The following PZP variants were observed in gnomAD, a reference collection of about 807,000 sequenced individuals.
The protein encoded by PZP is PZP alpha-2-macroglobulin like.
In PZP, 150 loss-of-function variants were observed where a neutral mutation model predicts 179.8. The observed-to-expected ratio is 0.83, with a 90% CI of 0.73 to 0.96. The LOEUF (loss-of-function observed/expected upper bound fraction) is 0.96. Among genes scored for constraint, PZP ranks in the 40% least tolerant of loss-of-function variants. PZP has a pLI of 0.00. For synonymous variants in PZP, 624 were observed against 652.3 expected, an observed-to-expected ratio of 0.96 and a Z score of 0.66; for missense variants, 1,689 against 1,764.0, an observed-to-expected ratio of 0.96 and a Z score of 0.76.
Position 9,182,109 on chromosome 12 carries a change from T to C in PZP, c.1555A>G (p.Ser519Gly), listed in dbSNP as rs1942801130. The change falls in exon 14 of 36, where the codon AGT becomes GGT. Residue 519 changes from serine (S) to glycine (G), a missense_variant. Ser to Gly is a moderately conservative substitution (Grantham distance 56). Coordinates refer to ENST00000261336, the MANE Select transcript of PZP (RefSeq NM_002864.3). Reference protein sequence around the residue: ...LPVESGDMKGSFALSFPVESD... With the variant: ...LPVESGDMKGGFALSFPVESD... ...TCCACAGGGAAGGATAAGGCAAAAC[T>C]GCCTTTCACTGGAACATGGAGAGAG... 1.6e-6 allele frequency: 2 copies of C among 1,278,652 alleles called. No homozygotes were observed. Among genetic ancestry groups the C allele is most frequent in the South Asian group, 3.2e-5 (2 of 63,436 alleles). 79.2% of individuals were successfully genotyped at this position (1,278,652 alleles called of 1,614,324 possible). A position where few individuals can be genotyped will look rare whatever the true frequency, so the allele number is the denominator to read the frequency against.
intron 7 of PZP, 132 bp from the exon 8 acceptor site, chr12:9,197,255 C>T (rs1434643074): frequency 1.7e-6 from 1 of 595,584 alleles, no homozygotes; most frequent in Non-Finnish European, 2.9e-6. Context: ...AAGTAGAAAG[C>T]TGTCTGGAAA....
At position 9,192,496 on chromosome 12, in the gene PZP, A is replaced by G. The variant is rs957158915; in HGVS notation, c.1482+16T>C. ...TACTGATAAGCTGCAATTGTATTCC[A>G]TGGCCTCATTCTTACCAGGTAATGG... On this transcript the variant is annotated intron_variant, in intron 12 of 35. Transcript: ENST00000261336. The G allele has an allele frequency of 5.6e-6, 9 of 1,600,728 alleles. No individual in the cohort carries two copies. The highest frequency in any genetic ancestry group is 2.2e-5 in the East Asian group (1 of 44,660).
chr12:9,154,950 G>T, intron 28 of PZP, 111 bp from the exon 29 acceptor site: 1 of 1,109,570 alleles, frequency 9.0e-7, no homozygotes. Flanking sequence ...TACAGGAGAA[G>T]CAAGGTCTTC....
At chr12:9,140,272 G>T in the PZP span, among the ~76,000 whole-genome samples, 2,493 of 152,286 alleles carry the variant, frequency 0.016, 68 homozygotes, top group African/African-American at 0.057. Context: ...GTAGGGGGGG[G>T]CCCAGGAATG....
chr12:9,150,830 G>T, intron 33 of PZP, 84 bp from the exon 34 acceptor site: 1 of 889,062 alleles, frequency 1.1e-6, no homozygotes, highest in Non-Finnish European at 1.8e-6. Context: ...ATTGTTCTTT[G>T]ACTCTTTTTC....
Position 9,152,270 on chromosome 12 carries a change from C to T in PZP, c.4162G>A (p.Asp1388Asn). ...ATAAAACCAGATACCATCTTTACAT[C>T]AACAATCACCATATTGGAAGCAGGA... ...NRPASNMVIV[D>N]VKMVSGFIPL... The change falls in exon 32 of 36, where the codon GAT (aspartate) becomes AAT (asparagine). Residue 1388 changes from aspartate (D) to asparagine (N), a missense_variant. This residue lies in a region of PZP where 746 missense variants were observed against 749.2 expected (regional missense o/e 1.00). Coordinates refer to ENST00000261336, the MANE Select transcript of PZP (RefSeq NM_002864.3). The T allele has an allele frequency of 1.2e-6, 2 of 1,613,214 alleles. No homozygotes were observed. The highest frequency in any genetic ancestry group is 1.7e-6 in the Non-Finnish European group (2 of 1,179,292).
intron 15 of PZP, among the ~76,000 whole-genome samples, chr12:9,173,067 A>C (rs1942106932): frequency 6.6e-6 from 1 of 152,248 alleles, no homozygotes; most frequent in Admixed American, 6.5e-5. Context: ...AATTGGACAC[A>C]TAATTGGAAG....
rs761223198 is a variant in PZP at position 9,196,572 on chromosome 12, T to G, written c.981A>C (p.Thr327=). Residue 327 remains threonine, a splice_region_variant and synonymous_variant, in exon 9 of 36, where the codon ACA becomes ACC. Coordinates refer to ENST00000261336, the MANE Select transcript of PZP (RefSeq NM_002864.3). ...CCCATATTCGTTCATTACTCACACC[T>G]GTCCCCTCTTCTCTGATCCTGGCTT... ...RVEARIREEG[T]DLEVTANRIS... 2.1e-5 allele frequency: 34 copies of G among 1,598,906 alleles called. No individual in the cohort carries two copies. The South Asian group carries it at 3.6e-4, about 17-fold the overall frequency.
intron 15 of PZP, among the ~76,000 whole-genome samples, chr12:9,175,517 G>T (rs892965858): frequency 6.6e-6 from 1 of 152,182 alleles, no homozygotes; most frequent in Admixed American, 6.5e-5. Flanking sequence ...TCATTAGAGT[G>T]AACAGACAAC....
At chr12:9,180,839 A>G in intron 15 of PZP, 144 bp downstream of exon 15, 1 of 761,222 alleles carries the variant, frequency 1.3e-6, no homozygotes, top group Non-Finnish European at 2.0e-6. Flanking sequence ...ACAGCAAAAG[A>G]AACTACCATC....
rs138392673 is a variant in PZP at position 9,161,212 on chromosome 12, C to T, written c.2789-96G>A. 242 of 1,054,012 alleles carry T rather than the reference C, an allele frequency of 2.3e-4. No homozygotes were observed. The African/African-American group carries it at 3.6e-3, about 16-fold the overall frequency. The allele number at this position is 1,054,012 out of a possible 1,614,324, so 65.3% of individuals were successfully genotyped here. A position where few individuals can be genotyped will look rare whatever the true frequency, so the allele number is the denominator to read the frequency against. ...AGTGAGAGCTTCAGAGCCACACTCC[C>T]TGGATATGGTACTGGCCCTGCTTTG... On this transcript the variant is annotated intron_variant, in intron 22 of 35. Coordinates refer to ENST00000261336, the MANE Select transcript of PZP (RefSeq NM_002864.3).
intron 15 of PZP, among the ~76,000 whole-genome samples, chr12:9,174,356 G>C (rs1018005380): frequency 2.6e-5 from 4 of 152,080 alleles, no homozygotes; most frequent in African/African-American, 9.7e-5. Context: ...CAAACACACA[G>C]CCAATATCAT....
intron 13 of PZP, 101 bp from the exon 14 acceptor site, chr12:9,182,218 G>T: frequency 8.8e-7 from 1 of 1,132,266 alleles, no homozygotes; most frequent in Non-Finnish European, 1.2e-6. Context: ...ATCCACTTGA[G>T]AACTGCGTCC....
intron 19 of PZP, 101 bp downstream of exon 19, chr12:9,165,037 TC>T: frequency 7.3e-7 from 1 of 1,379,060 alleles, no homozygotes; most frequent in Non-Finnish European, 1.0e-6. Flanking sequence ...TAACACACAA[TC>T]CCTTGAATTA....
chr12:9,168,814 G>A (rs1029712847), intron 17 of PZP, 55 bp downstream of exon 17: 6 of 1,320,416 alleles, frequency 4.5e-6, no homozygotes, highest in African/African-American at 4.4e-5. Context: ...TAGCATTTTG[G>A]GCATAGTAAT....
At chr12:9,155,687 T>C (rs1243845535) in intron 28 of PZP, among the ~76,000 whole-genome samples, 2 of 152,168 alleles carry the variant, frequency 1.3e-5, no homozygotes, top group African/African-American at 4.8e-5. Context: ...TTTGAATGCA[T>C]TTTGTTTTTA....
At chr12:9,159,704 G>T (rs1193217223) in intron 25 of PZP, among the ~76,000 whole-genome samples, 2 of 151,652 alleles carry the variant, frequency 1.3e-5, no homozygotes, top group African/African-American at 4.9e-5. Context: ...ATGATGCCCT[G>T]CATCACCGTG....
rs1008852932 is a variant in PZP, at chr12:9,165,926, A to G, written c.2258+126T>C. On this transcript the variant is annotated intron_variant, in intron 18 of 35. Coordinates refer to ENST00000261336, the MANE Select transcript of PZP (RefSeq NM_002864.3). ...GCAATTGCGCATTTTACTTAGGTCTATCCTAAAGAGGAAGAGGTTAAGATA... is the reference window on the plus strand; with the variant it reads ...GCAATTGCGCATTTTACTTAGGTCTGTCCTAAAGAGGAAGAGGTTAAGATA... 1.0e-5 allele frequency: 12 copies of G among 1,197,794 alleles called. No individual in the cohort carries two copies. In the African/African-American group the frequency reaches 1.1e-4, roughly 11 times the overall value. The allele number at this position is 1,197,794 out of a possible 1,614,324, so 74.2% of individuals were successfully genotyped here.
At chr12:9,191,340 T>G (rs1830402352) in intron 13 of PZP, among the ~76,000 whole-genome samples, 1 of 152,112 alleles carries the variant, frequency 6.6e-6, no homozygotes, top group Non-Finnish European at 1.5e-5. Flanking sequence ...TCTAACTACC[T>G]CTACACTAGT....
Sources: gnomAD v4.1 joint callset for allele counts (sites outside exome capture counted in the v4.1 genomes callset) on GRCh38, gnomAD v4.1.1 for gene constraint, gnomAD v4.1.1 regional missense constraint, MANE v1.5 for transcripts, NCBI Gene and HGNC (gene_info 2026-07-23, HGNC 2026-07-21) for gene names.